Variants in CCDC171 observed in about 807,000 individuals in gnomAD.
The protein encoded by CCDC171 is coiled-coil domain containing 171.
CCDC171 carries 177 observed loss-of-function variants against 168.2 expected under a neutral mutation model. The ratio of observed to expected loss-of-function variants is 1.05; its 90% confidence interval spans 0.93 to 1.19. CCDC171 has a LOEUF of 1.19. Among genes scored for constraint, CCDC171 ranks in the 50% most tolerant of loss-of-function variants. The pLI, the probability that CCDC171 is intolerant of heterozygous loss-of-function variation, is 0.00. For synonymous variants in CCDC171, 687 were observed against 540.8 expected, an observed-to-expected ratio of 1.27 and a Z score of -3.75; for missense variants, 1,991 against 1,539.0, an observed-to-expected ratio of 1.29 and a Z score of -4.91.
chr9:15,778,968 A>G lies in CCDC171; in HGVS notation c.2899A>G (p.Lys967Glu). Residue 967 changes from lysine to glutamate, a missense_variant and splice_region_variant, in exon 20 of 26, where the codon AAA becomes GAA. Lys to Glu is a moderately conservative substitution (Grantham distance 56, BLOSUM62 1). Transcript: ENST00000380701. ...YGLRGHVPIT[K>E]STASLQKQIL... is the part of the protein sequence containing the mutation. The stretch of plus-strand genomic sequence containing the variant: ...TAAAATTGCTCTTGTTTAACAACAG[A>G]AAAGCACAGCATCGTTGCAGAAGCA... 9.3e-6 allele frequency: 14 copies of G among 1,501,262 alleles called. No homozygotes were observed. The highest frequency in any genetic ancestry group is 1.2e-5 in the Non-Finnish European group (13 of 1,124,982). The allele number at this position is 1,501,262 out of a possible 1,614,324, so 93.0% of individuals were successfully genotyped here. A position where few individuals can be genotyped will look rare whatever the true frequency, so the allele number is the denominator to read the frequency against.
chr9:15,804,803 T>A (rs1379938946), intron 21 of CCDC171, among the ~76,000 whole-genome samples: 1 of 152,162 alleles, frequency 6.6e-6, no homozygotes, highest in East Asian at 1.9e-4. Context: ...TCCTCCTCAA[T>A]TTTTGGAATA....
chr9:16,101,205 C>T, the CCDC171 span, among the ~76,000 whole-genome samples: 1 of 152,224 alleles, frequency 6.6e-6, no homozygotes, highest in Non-Finnish European at 1.5e-5. Flanking sequence ...TCAGCAGAGC[C>T]TGTAGGCTCT....
In CCDC171 at chr9:15,920,409, C is replaced by G. The variant is rs1300622057; in HGVS notation, c.3740C>G (p.Ala1247Gly). 1.9e-6 allele frequency: 3 copies of G among 1,603,962 alleles called. No homozygotes were observed. In the East Asian group the frequency reaches 6.7e-5, roughly 36 times the overall value. The change falls in exon 25 of 26, where the codon GCA becomes GGA. Residue 1247 changes from alanine to glycine, a missense_variant. Coordinates refer to ENST00000380701, the MANE Select transcript of CCDC171 (RefSeq NM_173550.4). ...CACACAGCTTGTTTACGTGAAAATG[C>G]AAGTTTACAATCAGTAAGTCCTTGT... ...ELHTACLREN[A>G]SLQSIGSRDH...
chr9:15,717,008 C>A (rs995772554), intron 11 of CCDC171, among the ~76,000 whole-genome samples: 11 of 152,132 alleles, frequency 7.2e-5, no homozygotes, highest in East Asian at 3.8e-4. Flanking sequence ...GCAAAAAAAA[C>A]CACCTTCATA....
At chr9:15,634,653 T>C (rs147512090) in intron 7 of CCDC171, among the ~76,000 whole-genome samples, 3 of 152,326 alleles carry the variant, frequency 2.0e-5, no homozygotes, top group East Asian at 1.9e-4. Context: ...TTTATAGAGA[T>C]GTAATTTGCA....
chr9:15,574,642 A>T (rs1280594748), intron 3 of CCDC171, among the ~76,000 whole-genome samples: 2 of 152,196 alleles, frequency 1.3e-5, no homozygotes, highest in Non-Finnish European at 2.9e-5. Context: ...TTTTTTAGCC[A>T]TATAATCTCC....
chr9:15,926,695 G>A (rs549863797), intron 25 of CCDC171, among the ~76,000 whole-genome samples: 236 of 151,684 alleles, frequency 1.6e-3, no homozygotes, highest in African/African-American at 5.4e-3. Flanking sequence ...TTCCCACATT[G>A]TAGTGTTGTT....
intron 16 of CCDC171, among the ~76,000 whole-genome samples, chr9:15,735,155 A>G (rs1005384881): frequency 1.3e-5 from 2 of 152,208 alleles, no homozygotes; most frequent in African/African-American, 4.8e-5. Context: ...TAGAAAAATG[A>G]AATTTGTAGA....
intron 21 of CCDC171, among the ~76,000 whole-genome samples, chr9:15,827,189 G>A (rs2136189408): frequency 6.6e-6 from 1 of 152,164 alleles, no homozygotes; most frequent in South Asian, 2.1e-4. Context: ...TTTTTAGTTT[G>A]TTTTATGAAA....
At chr9:16,105,110 G>A in the CCDC171 span, among the ~76,000 whole-genome samples, 3 of 152,184 alleles carry the variant, frequency 2.0e-5, no homozygotes, top group Non-Finnish European at 2.9e-5. Flanking sequence ...TTTAGCAGAA[G>A]TCAAGGCTGT....
At chr9:15,599,658 T>A (rs2131614846) in intron 6 of CCDC171, among the ~76,000 whole-genome samples, 1 of 152,278 alleles carries the variant, frequency 6.6e-6, no homozygotes, top group South Asian at 2.1e-4. Flanking sequence ...AGTATCTTTG[T>A]GGCATTTTCT....
At chr9:15,931,775 C>T (rs1826545312) in intron 25 of CCDC171, among the ~76,000 whole-genome samples, 1 of 151,452 alleles carries the variant, frequency 6.6e-6, no homozygotes, top group African/African-American at 2.4e-5. Context: ...AAGTCTATTA[C>T]CTATTTTGAG....
downstream of CCDC171, among the ~76,000 whole-genome samples, chr9:16,065,809 G>GGTGTGCATGGTGTGTGTGT (rs373145926): frequency 6.6e-3 from 949 of 144,292 alleles, 11 homozygotes; most frequent in African/African-American, 0.023. Flanking sequence ...TTGTGTGCAT[G>GGTGTGCATGGTGTGTGTGT]GTGTGTGTGT....
intron 25 of CCDC171, among the ~76,000 whole-genome samples, chr9:15,951,644 T>C (rs76891294): frequency 2.3e-3 from 348 of 152,308 alleles, no homozygotes; most frequent in Middle Eastern, 6.8e-3. Context: ...CATCTTTATA[T>C]GTGCTTATTG....
chr9:15,639,917 T>C (rs1350024665), intron 7 of CCDC171, among the ~76,000 whole-genome samples: 1 of 152,182 alleles, frequency 6.6e-6, no homozygotes, highest in African/African-American at 2.4e-5. Context: ...GACAAATGAA[T>C]TTTTGTCTAC....
At chr9:15,998,015 T>C (rs893874486) in intron 3 of CCDC171, among the ~76,000 whole-genome samples, 12 of 152,198 alleles carry the variant, frequency 7.9e-5, no homozygotes. Context: ...TAGCTTGTAC[T>C]TCCATAGGAT....
intron 3 of CCDC171, among the ~76,000 whole-genome samples, chr9:16,004,524 G>A (rs560572438): frequency 3.9e-5 from 6 of 152,220 alleles, no homozygotes; most frequent in Admixed American, 1.3e-4. Flanking sequence ...CATTGATTTT[G>A]TGCTGCTTGG....
intron 24 of CCDC171, among the ~76,000 whole-genome samples, chr9:15,901,204 T>G (rs1371230758): frequency 6.6e-6 from 1 of 152,112 alleles, no homozygotes; most frequent in East Asian, 1.9e-4. Context: ...GAGCGAGGGA[T>G]GAATCTGCAG....
chr9:15,806,689 A>T (rs1227930069), intron 21 of CCDC171, among the ~76,000 whole-genome samples: 2 of 151,914 alleles, frequency 1.3e-5, no homozygotes, highest in Admixed American at 6.6e-5. Context: ...GGAAAATCTG[A>T]TGATTATGTG....
Sources: allele counts gnomAD v4.1 joint callset (sites outside exome capture counted in the v4.1 genomes callset), GRCh38; gene constraint gnomAD v4.1.1; transcripts MANE v1.5; gene names NCBI Gene and HGNC (gene_info 2026-07-23, HGNC 2026-07-21).